Variants in USH2A observed in about 807,000 individuals in gnomAD.
USH2A encodes the protein Usher syndrome 2A (autosomal recessive, mild).
USH2A carries 443 observed loss-of-function variants against 538.9 expected under a neutral mutation model. The observed-to-expected ratio is 0.82, with a 90% CI of 0.76 to 0.89. USH2A has a LOEUF of 0.89. USH2A is among the 40% of genes least tolerant of loss of function. USH2A has a pLI of 0.00. For synonymous variants in USH2A, 2,413 were observed against 2,273.5 expected, an observed-to-expected ratio of 1.06 and a Z score of -1.75; for missense variants, 6,633 against 6,324.8, an observed-to-expected ratio of 1.05 and a Z score of -1.65.
chr1:216,351,462 C>T (rs918408732), intron 4 of USH2A, among the ~76,000 whole-genome samples: 3 of 152,090 alleles, frequency 2.0e-5, no homozygotes, highest in Non-Finnish European at 2.9e-5. Context: ...AGTCAAAAAT[C>T]GGCAAAGAGG....
Position 215,648,628 on chromosome 1 carries a change from G to A in USH2A, c.14482C>T (p.Pro4828Ser). 6.2e-7 allele frequency: 1 copy of A among 1,614,206 alleles called. No individual in the cohort carries two copies. Among genetic ancestry groups the A allele is most frequent in the South Asian group, 1.1e-5 (1 of 91,084 alleles). ...PTAELRTHPA[P>S]PSGLSSPQIG... ...TGTGGAGAGGACAGTCCTGAGGGTG[G>A]GGCAGGATGGGTTCTCAGTTCAGCT... Residue 4828 changes from proline to serine, a missense_variant, in exon 66 of 72, where the codon CCA becomes TCA. Pro to Ser is a moderately conservative substitution (Grantham distance 74, BLOSUM62 -1). Coordinates refer to ENST00000307340, the MANE Select transcript of USH2A (RefSeq NM_206933.4).
intron 38 of USH2A, among the ~76,000 whole-genome samples, chr1:215,908,437 ACTC>A (rs1357588323): frequency 6.6e-6 from 1 of 151,786 alleles, no homozygotes; most frequent in Non-Finnish European, 1.5e-5. Context: ...ACTAAACAGA[ACTC>A]TTTTAAAAGT....
At chr1:215,792,536 G>A (rs538238050) in intron 50 of USH2A, among the ~76,000 whole-genome samples, 9 of 152,044 alleles carry the variant, frequency 5.9e-5, no homozygotes, top group Non-Finnish European at 1.3e-4. Context: ...TGGCCAGAAC[G>A]GCACACCAGA....
intron 55 of USH2A, among the ~76,000 whole-genome samples, chr1:215,767,868 T>C (rs574344167): frequency 6.6e-6 from 1 of 152,286 alleles, no homozygotes; most frequent in Admixed American, 6.5e-5. Flanking sequence ...ATCTCTCTCT[T>C]GACTCTTGGG....
intron 34 of USH2A, among the ~76,000 whole-genome samples, chr1:215,996,482 A>G (rs1571875039): frequency 6.9e-6 from 1 of 145,576 alleles, no homozygotes; most frequent in Admixed American, 6.9e-5. Context: ...TATTTTTAAC[A>G]TATTGTCTTC....
intron 40 of USH2A, among the ~76,000 whole-genome samples, chr1:215,889,448 A>G (rs1665153669): frequency 6.6e-6 from 1 of 152,202 alleles, no homozygotes; most frequent in Non-Finnish European, 1.5e-5. Context: ...AATTATAATC[A>G]ATAACACTAT....
chr1:216,172,182 T>C (rs1410464947), intron 21 of USH2A, among the ~76,000 whole-genome samples: 1 of 152,104 alleles, frequency 6.6e-6, no homozygotes, highest in Non-Finnish European at 1.5e-5. Flanking sequence ...GAGGCATAAG[T>C]TGTGTAAGAG....
intron 2 of USH2A, among the ~76,000 whole-genome samples, chr1:216,420,132 C>G (rs1054199947): frequency 6.6e-6 from 1 of 151,772 alleles, no homozygotes; most frequent in Non-Finnish European, 1.5e-5. Context: ...TTGTTTTTAT[C>G]CCTACCCATC....
At chr1:216,364,269 T>C (rs965462724) in intron 4 of USH2A, among the ~76,000 whole-genome samples, 1 of 152,098 alleles carries the variant, frequency 6.6e-6, no homozygotes, top group Non-Finnish European at 1.5e-5. Flanking sequence ...TAATACTTCG[T>C]AGTTCTACTT....
rs1169652617 is a variant in USH2A, at chr1:215,900,914, A to C, written c.7301-9T>G. 6.2e-7 allele frequency: 1 copy of C among 1,613,206 alleles called. No individual in the cohort carries two copies. Among genetic ancestry groups the C allele is most frequent in the East Asian group, 2.2e-5 (1 of 44,854 alleles). On this transcript the variant is annotated splice_polypyrimidine_tract_variant and intron_variant, in intron 38 of 71. Transcript: ENST00000307340. ...CAGCACGCCATCTGGAGCTGTCGAA[A>C]AACACAGATGAATTAGAGCAGAGAA...
chr1:216,263,216 A>AT (rs1212969853), intron 11 of USH2A, among the ~76,000 whole-genome samples: 4 of 152,036 alleles, frequency 2.6e-5, no homozygotes, highest in African/African-American at 9.7e-5. Flanking sequence ...AACTAATACC[A>AT]TTTTTTCTTA....
Position 216,374,713 on chromosome 1 carries a change from T to C in USH2A, c.652-9628A>G, listed in dbSNP as rs562123580. Among the ~76,000 whole-genome samples, 12 of 152,300 alleles carry C rather than the reference T, an allele frequency of 7.9e-5. No homozygotes were observed. The South Asian group carries it at 2.5e-3, about 32-fold the overall frequency. ...GGGATATAATTAATTACTCTCAATA[T>C]GTATTTCAGTGCTCAAGTTGTTCCA... On this transcript the variant is annotated intron_variant, in intron 3 of 71. Transcript: ENST00000307340.
In USH2A at chr1:216,327,609, T is replaced by C; in HGVS notation, c.830A>G (p.Gln277Arg). 3.1e-6 allele frequency: 5 copies of C among 1,613,264 alleles called. No homozygotes were observed. Among genetic ancestry groups the C allele is most frequent in the Non-Finnish European group, 4.2e-6 (5 of 1,179,502 alleles). The change falls in exon 5 of 72, where the codon CAA (glutamine) becomes CGA (arginine). Residue 277 changes from glutamine (Q) to arginine (R), a missense_variant. By Grantham distance (43) the Gln-to-Arg change is conservative. Coordinates refer to ENST00000307340, the MANE Select transcript of USH2A (RefSeq NM_206933.4). Reference sequence around the variant, plus strand: ...TGCTTACCTGTTTGTAAGTGCCACTTGGTATAATCGAAAATCTTGCATTCT... The same window carrying C: ...TGCTTACCTGTTTGTAAGTGCCACTCGGTATAATCGAAAATCTTGCATTCT... ...VGRMQDFRLY[Q>R]VALTNREILE...
At chr1:216,280,949 T>A (rs2036763134) in intron 11 of USH2A, among the ~76,000 whole-genome samples, 1 of 152,202 alleles carries the variant, frequency 6.6e-6, no homozygotes, top group Non-Finnish European at 1.5e-5. Context: ...ATGAATTTTT[T>A]AAATGTCCTT....
chr1:215,977,796 C>T (rs1157555543), intron 35 of USH2A, among the ~76,000 whole-genome samples: 1 of 152,280 alleles, frequency 6.6e-6, no homozygotes, highest in Non-Finnish European at 1.5e-5. Context: ...CAGGCATGAG[C>T]CACTGCCACC....
chr1:215,631,227 A>AGTGTGTGTGTGTGTGTGTGT lies in USH2A; in HGVS notation c.15298-2212_15298-2193dup, dbSNP rs145355299. 1.6e-3 allele frequency among the ~76,000 whole-genome samples: 234 copies of AGTGTGTGTGTGTGTGTGTGT among 148,546 alleles called. 1 individual carries two copies. The highest frequency in any genetic ancestry group is 5.6e-3 in the African/African-American group (229 of 40,620). On this transcript the variant is annotated intron_variant, in intron 70 of 71. Coordinates refer to ENST00000307340, the MANE Select transcript of USH2A (RefSeq NM_206933.4). ...CAGAGCTTGTCACATGAGGGGGAGA[A>AGTGTGTGTGTGTGTGTGTGT]GTGTGTGTGTGTGTGTGTGTGGGTG...
At chr1:215,995,765 C>A (rs1300611496) in intron 34 of USH2A, among the ~76,000 whole-genome samples, 2 of 152,150 alleles carry the variant, frequency 1.3e-5, no homozygotes, top group African/African-American at 4.8e-5. Flanking sequence ...TTGAAAAATT[C>A]ATAAAGGCAT....
chr1:215,715,694 G>C (rs1458414248), intron 61 of USH2A, among the ~76,000 whole-genome samples: 1 of 152,164 alleles, frequency 6.6e-6, no homozygotes, highest in Non-Finnish European at 1.5e-5. Context: ...ATGTAATTCT[G>C]ACAGTGTTCT....
chr1:215,913,053 C>A (rs1006742692), intron 38 of USH2A, among the ~76,000 whole-genome samples: 13 of 152,220 alleles, frequency 8.5e-5, no homozygotes, highest in African/African-American at 3.1e-4. Context: ...GTTTACTATG[C>A]AATCTCCAAG....
Sources: allele counts gnomAD v4.1 joint callset (sites outside exome capture counted in the v4.1 genomes callset), GRCh38; gene constraint gnomAD v4.1.1; transcripts MANE v1.5; gene names NCBI Gene and HGNC (gene_info 2026-07-23, HGNC 2026-07-21).